Variants in MBTD1 observed in about 807,000 individuals in gnomAD.
MBTD1 encodes the protein mbt domain containing 1, also known as MBT domain-containing protein 1.
MBTD1 carries 24 observed loss-of-function variants against 87.8 expected under a neutral mutation model. The observed-to-expected ratio is 0.27, with a 90% CI of 0.20 to 0.38. The LOEUF is 0.38. Ranked by LOEUF, MBTD1 falls within the 10% of genes least tolerant of loss-of-function variation. The pLI is 1.00. For missense variants in MBTD1, 436 were observed against 760.2 expected (o/e 0.57, Z 5.02); for synonymous variants, 237 against 248.6 (o/e 0.95, Z 0.44).
intron 16 of MBTD1, among the ~76,000 whole-genome samples, chr17:51,181,699 C>T (rs1051802083): frequency 1.4e-4 from 22 of 152,240 alleles, no homozygotes; most frequent in African/African-American, 5.1e-4. Context: ...ACTCCTGAGC[C>T]GAGTGTGGTG....
upstream of MBTD1, chr17:51,260,902 G>C (rs1427398148): frequency 1.3e-6 from 2 of 1,593,324 alleles, no homozygotes; most frequent in East Asian, 2.3e-5. Flanking sequence ...AGGACGCGTT[G>C]CTGCGGCGTC....
upstream of MBTD1, chr17:51,260,070 G>C: frequency 2.6e-6 from 1 of 391,682 alleles, no homozygotes. Flanking sequence ...TCCCTCCCCA[G>C]CGCGCCTGCG....
At chr17:51,210,869 G>C (rs2052157401) in intron 6 of MBTD1, among the ~76,000 whole-genome samples, 1 of 152,106 alleles carries the variant, frequency 6.6e-6, no homozygotes, top group South Asian at 2.1e-4. Flanking sequence ...AATTGGCATG[G>C]TGTGGTGGCT....
Position 51,187,653 on chromosome 17 carries a change from C to A in MBTD1, c.1768+4550G>T, listed in dbSNP as rs1568146511. Among the ~76,000 whole-genome samples the A allele has an allele frequency of 2.0e-5, 3 of 152,066 alleles. No homozygotes were observed. The East Asian group carries it at 5.8e-4, about 29-fold the overall frequency. On this transcript the variant is annotated intron_variant, in intron 16 of 16. Coordinates refer to ENST00000586178, the MANE Select transcript of MBTD1 (RefSeq NM_017643.3). ...TCACTTGAGGTCAGGAGTTCAAGAC[C>A]AGCCTGGCCAACATAGTGAAACCCC...
chr17:51,218,884 G>A (rs1327499535), intron 5 of MBTD1, 46 bp downstream of exon 5: 1 of 1,092,310 alleles, frequency 9.2e-7, no homozygotes. Flanking sequence ...AAAACTAAAT[G>A]AATCAATGTC....
chr17:51,239,371 T>C (rs1451520905), intron 2 of MBTD1, among the ~76,000 whole-genome samples: 3 of 152,212 alleles, frequency 2.0e-5, no homozygotes, highest in Admixed American at 1.3e-4. Flanking sequence ...TATAGGTTTT[T>C]ACCATAAAAT....
chr17:51,213,869 G>A (rs957818634), intron 6 of MBTD1, among the ~76,000 whole-genome samples: 4 of 151,036 alleles, frequency 2.6e-5, no homozygotes, highest in Non-Finnish European at 4.4e-5. Context: ...TGAGGTCTAA[G>A]ATTTTTGTTA....
intron 2 of MBTD1, among the ~76,000 whole-genome samples, chr17:51,232,111 G>C (rs762859140): frequency 6.6e-6 from 1 of 151,938 alleles, no homozygotes; most frequent in Non-Finnish European, 1.5e-5. Flanking sequence ...CGGTGAAGAG[G>C]CTTCTCTGGG....
intron 5 of MBTD1, 57 bp downstream of exon 5, chr17:51,218,873 T>TAA (rs2052728879): frequency 1.9e-6 from 2 of 1,042,408 alleles, no homozygotes; most frequent in African/African-American, 3.2e-5. Context: ...TGTCATTAAT[T>TAA]AAAACTAAAT....
intron 2 of MBTD1, among the ~76,000 whole-genome samples, chr17:51,258,420 A>G (rs12600745): frequency 0.52 from 78,882 of 151,934 alleles, 20,750 homozygotes; most frequent in South Asian, 0.65. Context: ...GTGCATGCTA[A>G]TATAAGGAGA....
intron 6 of MBTD1, among the ~76,000 whole-genome samples, chr17:51,212,051 CTG>C (rs1186256739): frequency 1.6e-4 from 24 of 152,102 alleles, no homozygotes; most frequent in Non-Finnish European, 2.8e-4. Flanking sequence ...AAGAGGGTAT[CTG>C]TGGAGGCAGA....
intron 2 of MBTD1, among the ~76,000 whole-genome samples, chr17:51,255,594 T>C (rs1171742930): frequency 6.6e-6 from 1 of 151,138 alleles, no homozygotes; most frequent in East Asian, 1.9e-4. Flanking sequence ...TAACCTTTTT[T>C]TTTTCCTTTT....
rs534583627 is a variant in MBTD1 at position 51,179,318 on chromosome 17, T to G, written c.*1258A>C. Reference sequence around the variant, plus strand: ...TAGAGCGCTCTCATTCAGTCACAACTCAGTAGAAAGTTAGAAAATGCAGAG... The same window carrying G: ...TAGAGCGCTCTCATTCAGTCACAACGCAGTAGAAAGTTAGAAAATGCAGAG... On this transcript the variant is annotated 3_prime_UTR_variant, in exon 17 of 17. Coordinates refer to ENST00000586178, the MANE Select transcript of MBTD1 (RefSeq NM_017643.3). 1 of 149,948 alleles carries G rather than the reference T, an allele frequency of 6.7e-6. No homozygotes were observed. Among genetic ancestry groups the G allele is most frequent in the South Asian group, 2.1e-4 (1 of 4,744 alleles). 9.3% of individuals were successfully genotyped at this position (149,948 alleles called of 1,614,324 possible). A position where few individuals can be genotyped will look rare whatever the true frequency, so the allele number is the denominator to read the frequency against.
chr17:51,259,807 C>T, intron 1 of MBTD1, 28 bp downstream of exon 1: 1 of 1,232,636 alleles, frequency 8.1e-7, no homozygotes, highest in Non-Finnish European at 1.0e-6. Context: ...ACCTGGCACA[C>T]AAAGCGGCTG....
chr17:51,241,234 A>C (rs1368843467), intron 2 of MBTD1, among the ~76,000 whole-genome samples: 2 of 152,110 alleles, frequency 1.3e-5, no homozygotes, highest in African/African-American at 4.8e-5. Flanking sequence ...TTGGCCTCCC[A>C]AAGTGCTGGG....
At chr17:51,187,488 A>G (rs115282662) in intron 16 of MBTD1, among the ~76,000 whole-genome samples, 2,897 of 152,120 alleles carry the variant, frequency 0.019, 66 homozygotes, top group African/African-American at 0.048. Context: ...TGCTTTTGCC[A>G]ACCAAAAAAA....
rs138345288 is a variant in MBTD1, at chr17:51,182,490, T to C, written c.1769-1796A>G. On this transcript the variant is annotated intron_variant, in intron 16 of 16. Transcript: ENST00000586178. ...ATATTTCGATACAAGAGATTTCACA[T>C]GAAAATCTGAAAAGTAGATAGACTT... Among the ~76,000 whole-genome samples the C allele has an allele frequency of 2.8e-3, 431 of 152,272 alleles. 1 individual carries two copies. The highest frequency in any genetic ancestry group is 5.4e-3 in the Non-Finnish European group (369 of 68,026).
At chr17:51,184,544 T>C (rs2050450408) in intron 16 of MBTD1, 1 of 152,332 alleles carries the variant, frequency 6.6e-6, no homozygotes, top group African/African-American at 2.4e-5. Flanking sequence ...GCTCAGAATA[T>C]ACTATAGACA....
chr17:51,197,814 A>C (rs1007901888), intron 12 of MBTD1, among the ~76,000 whole-genome samples: 5 of 152,058 alleles, frequency 3.3e-5, no homozygotes, highest in African/African-American at 1.2e-4. Flanking sequence ...GCCTACTCTT[A>C]ATTTTCTGAA....
Sources: gnomAD v4.1 joint callset for allele counts (sites outside exome capture counted in the v4.1 genomes callset) on GRCh38, gnomAD v4.1.1 for gene constraint, MANE v1.5 for transcripts, NCBI Gene and HGNC (gene_info 2026-07-23, HGNC 2026-07-21) for gene names.